The following CACNA1I variants were observed in gnomAD, a reference collection of about 807,000 sequenced individuals.
CACNA1I encodes calcium voltage-gated channel subunit alpha1 I, also known as voltage-dependent T-type calcium channel subunit alpha-1I.
CACNA1I carries 74 observed loss-of-function variants against 201.6 expected under a neutral mutation model. That is an observed-to-expected ratio of 0.37 (90% CI 0.30 to 0.45). CACNA1I has a LOEUF of 0.45. Ranked by LOEUF, CACNA1I falls within the 20% of genes least tolerant of loss-of-function variation. The pLI is 1.00. For missense variants in CACNA1I, 2,346 were observed against 3,138.1 expected (o/e 0.75, Z 6.03); for synonymous variants, 1,431 against 1,345.2 (o/e 1.06, Z -1.40).
At chr22:39,625,498 T>G (rs575661868) in intron 4 of CACNA1I, among the ~76,000 whole-genome samples, 2 of 152,156 alleles carry the variant, frequency 1.3e-5, no homozygotes, top group Non-Finnish European at 2.9e-5. Flanking sequence ...GTTTCCCTAC[T>G]CGTACAAACA....
intron 4 of CACNA1I, among the ~76,000 whole-genome samples, chr22:39,619,839 C>T (rs1005421182): frequency 3.3e-5 from 5 of 152,134 alleles, no homozygotes; most frequent in African/African-American, 9.7e-5. Context: ...ACTTAGAAGT[C>T]GAGCTCTGTC....
chr22:39,653,888 A>G (rs1179761744), intron 10 of CACNA1I, among the ~76,000 whole-genome samples: 2 of 152,206 alleles, frequency 1.3e-5, no homozygotes, highest in African/African-American at 2.4e-5. Flanking sequence ...GGTAGGGTGT[A>G]GGCCAGGCAG....
chr22:39,669,386 C>G (rs1415477998), intron 24 of CACNA1I, among the ~76,000 whole-genome samples: 1 of 152,232 alleles, frequency 6.6e-6, no homozygotes, highest in Non-Finnish European at 1.5e-5. Flanking sequence ...CACATGCGTA[C>G]ATGGATTCCA....
chr22:39,653,081 G>A (rs955347585), intron 10 of CACNA1I, among the ~76,000 whole-genome samples: 2 of 146,822 alleles, frequency 1.4e-5, no homozygotes, highest in African/African-American at 2.7e-5. Context: ...GTGGGTGCAC[G>A]GAGCCCCCCA....
chr22:39,583,031 ACCATCCATCCATCCATCCATCCATCCAT>A (rs59155285), intron 1 of CACNA1I, among the ~76,000 whole-genome samples: 1 of 116,546 alleles, frequency 8.6e-6, no homozygotes, highest in Admixed American at 8.3e-5. Flanking sequence ...CAAGCACCCA[ACCATCCATCCATCCATCCATCCATCCAT>A]CCATCCATCC....
intron 6 of CACNA1I, among the ~76,000 whole-genome samples, chr22:39,641,786 T>C (rs1201206540): frequency 6.6e-6 from 1 of 152,214 alleles, no homozygotes; most frequent in African/African-American, 2.4e-5. Context: ...CTGCAGAGGA[T>C]GGGCTGGGAT....
chr22:39,575,311 C>T (rs112278120), intron 1 of CACNA1I, among the ~76,000 whole-genome samples: 1 of 152,186 alleles, frequency 6.6e-6, no homozygotes, highest in Non-Finnish European at 1.5e-5. Context: ...AGTTTCCCCA[C>T]CTGTCAAACA....
At chr22:39,650,555 A>G (rs1389535111) in intron 10 of CACNA1I, among the ~76,000 whole-genome samples, 1 of 152,100 alleles carries the variant, frequency 6.6e-6, no homozygotes, top group Non-Finnish European at 1.5e-5. Flanking sequence ...GTTGCTCCTC[A>G]TTGCCCTCAG....
In CACNA1I at chr22:39,641,702, C is replaced by T. The variant is rs77773188; in HGVS notation, c.1056+520C>T. Among the ~76,000 whole-genome samples the T allele has an allele frequency of 5.0e-3, 764 of 152,334 alleles. 7 individuals carry two copies. Among genetic ancestry groups the T allele is most frequent in the African/African-American group, 0.018 (740 of 41,594 alleles). ...AGTGCACATAATGCACACAGGTTCA[C>T]AAAGCAGCACTAGCCTCATGGCGTG... On this transcript the variant is annotated intron_variant, in intron 6 of 36. Coordinates refer to ENST00000402142, the MANE Select transcript of CACNA1I (RefSeq NM_021096.4).
At position 39,685,766 on chromosome 22, in the gene CACNA1I, C is replaced by A. The variant is rs754791943; in HGVS notation, c.6033C>A (p.Thr2011=). 5.4e-6 allele frequency: 8 copies of A among 1,483,220 alleles called. No individual in the cohort carries two copies. In the South Asian group the frequency reaches 7.6e-5, roughly 14 times the overall value. The allele number at this position is 1,483,220 out of a possible 1,614,324, so 91.9% of individuals were successfully genotyped here. The part of the protein sequence containing the change: ...RVNCTLLRQA[T]GSDTSLDASP... ...CGGCTCCCACCTCCCCCCAGGCCAC[C>A]GGGAGCGACACGTCGCTGGACGCCA... Residue 2011 remains threonine (T), a synonymous_variant, in exon 37 of 37, where the codon ACC becomes ACA. Transcript: ENST00000402142. This position sits in a 1 kb window ranked among gnomAD's most constrained non-coding sequence, Gnocchi z 5.0.
Position 39,684,160 on chromosome 22 carries a change from G to A in CACNA1I, c.5831-142G>A, listed in dbSNP as rs1457712940. 1 of 660,722 alleles carries A rather than the reference G, an allele frequency of 1.5e-6. No homozygotes were observed. Among genetic ancestry groups the A allele is most frequent in the Non-Finnish European group, 2.6e-6 (1 of 379,672 alleles). The allele number at this position is 660,722 out of a possible 1,614,324, so 40.9% of individuals were successfully genotyped here. On this transcript the variant is annotated intron_variant, in intron 35 of 36. Transcript: ENST00000402142. The surrounding 1 kb of genome is among the most constrained non-coding windows in gnomAD (Gnocchi z 4.6). ...GGGAAACGAAGGCTTAGAGAGGGGG[G>A]ACTTGTCCACAGTCTCACAGTCAGT...
rs749403873 is a variant in CACNA1I at position 39,664,825 on chromosome 22, C to T, written c.3753C>T (p.Ser1251=). ...TGGATGGCTTTCTTGTCTTCGTGTCCATCATCGACATCGTGGTGTCCCTGG... is the reference window on the plus strand; with the variant it reads ...TGGATGGCTTTCTTGTCTTCGTGTCTATCATCGACATCGTGGTGTCCCTGG... The part of the protein sequence containing the change: ...NVLDGFLVFV[S]IIDIVVSLAS... The change falls in exon 21 of 37, where the codon TCC becomes TCT. Residue 1251 remains serine, a synonymous_variant. Transcript: ENST00000402142. 3 of 1,613,236 alleles carry T rather than the reference C, an allele frequency of 1.9e-6. No individual in the cohort carries two copies. The highest frequency in any genetic ancestry group is 4.5e-5 in the East Asian group (2 of 44,874).
At chr22:39,572,895 T>C (rs1428873955) in intron 1 of CACNA1I, among the ~76,000 whole-genome samples, 1 of 152,060 alleles carries the variant, frequency 6.6e-6, no homozygotes, top group Non-Finnish European at 1.5e-5. Context: ...TAGCTGGGAC[T>C]ACAGGCACCC....
Position 39,649,947 on chromosome 22 carries a change from C to T in CACNA1I, c.1992+22C>T, listed in dbSNP as rs374995883. 754 of 1,611,338 alleles carry T rather than the reference C, an allele frequency of 4.7e-4. 4 individuals carry two copies. Among genetic ancestry groups the T allele is most frequent in the Non-Finnish European group, 2.9e-4 (347 of 1,178,858 alleles). On this transcript the variant is annotated intron_variant, in intron 10 of 36. Coordinates refer to ENST00000402142, the MANE Select transcript of CACNA1I (RefSeq NM_021096.4). This position sits in a 1 kb window ranked among gnomAD's most constrained non-coding sequence, Gnocchi z 7.3. The stretch of plus-strand genomic sequence containing the variant: ...GCAGGCCAGTGCAGCGCAGCCGGGC[C>T]GGGCCTGCGGGAGAGGTGTGAGGGC...
rs551081623 is a variant in CACNA1I, at chr22:39,678,207, C to G, written c.5055+99C>G. ...GGGCTCTGCCCACCCAGGGCCCCAC[C>G]ACACATGGGAGGGGCATGCAGGGCA... On this transcript the variant is annotated intron_variant, in intron 31 of 36. Transcript: ENST00000402142. The G allele has an allele frequency of 2.6e-5, 36 of 1,400,106 alleles. No homozygotes were observed. In the Admixed American group the frequency reaches 7.3e-4, roughly 28 times the overall value. 86.7% of individuals were successfully genotyped at this position (1,400,106 alleles called of 1,614,324 possible).
Position 39,641,008 on chromosome 22 carries a change from C to T in CACNA1I, c.882C>T (p.Cys294=), listed in dbSNP as rs752860959. 1.9e-6 allele frequency: 3 copies of T among 1,614,060 alleles called. No homozygotes were observed. In the South Asian group the frequency reaches 3.3e-5, roughly 18 times the overall value. The part of the protein sequence containing the change: ...PPLKEQGREC[C]LSKDDVYDFG... ...TCAAGGAGCAGGGCCGTGAGTGCTGCCTGTCCAAGGACGACGTCTACGACT... is the reference window on the plus strand; with the variant it reads ...TCAAGGAGCAGGGCCGTGAGTGCTGTCTGTCCAAGGACGACGTCTACGACT... Residue 294 remains cysteine, a synonymous_variant, in exon 6 of 37, where the codon TGC becomes TGT. Transcript: ENST00000402142.
At chr22:39,630,527 G>A (rs1271916111) in intron 4 of CACNA1I, among the ~76,000 whole-genome samples, 1 of 152,208 alleles carries the variant, frequency 6.6e-6, no homozygotes, top group East Asian at 1.9e-4. Flanking sequence ...TCAAGCTGTC[G>A]GCCTTCAAGG....
chr22:39,642,474 C>G (rs1934374558), intron 6 of CACNA1I, among the ~76,000 whole-genome samples: 1 of 152,154 alleles, frequency 6.6e-6, no homozygotes, highest in Non-Finnish European at 1.5e-5. Context: ...GGTGGGTGGC[C>G]CAGCTGATAA....
chr22:39,645,447 A>C (rs1260998380), intron 7 of CACNA1I, among the ~76,000 whole-genome samples: 2 of 152,158 alleles, frequency 1.3e-5, no homozygotes, highest in Non-Finnish European at 2.9e-5. Context: ...GTGGTCCCAG[A>C]GGGCAGGGCC....
Sources: gnomAD v4.1 joint callset for allele counts (sites outside exome capture counted in the v4.1 genomes callset) on GRCh38, gnomAD v4.1.1 for gene constraint, Gnocchi (gnomAD v3.1) non-coding constraint, MANE v1.5 for transcripts, NCBI Gene and HGNC (gene_info 2026-07-23, HGNC 2026-07-21) for gene names.